Variants in SLCO1B3 observed in about 807,000 individuals in gnomAD.
The protein encoded by SLCO1B3 is solute carrier organic anion transporter family member 1B3, also known as liver-specific organic anion transporter 2.
SLCO1B3 carries 72 observed loss-of-function variants against 71.8 expected under a neutral mutation model. That is an observed-to-expected ratio of 1.00 (90% CI 0.83 to 1.22). The LOEUF is 1.22. Ranked by LOEUF, SLCO1B3 falls within the 50% of genes most tolerant of loss-of-function variation. The pLI, the probability that SLCO1B3 is intolerant of heterozygous loss-of-function variation, is 0.00. For missense variants in SLCO1B3, 911 were observed against 819.7 expected (o/e 1.11, Z -1.36); for synonymous variants, 298 against 278.4 (o/e 1.07, Z -0.70).
intron 3 of SLCO1B3, among the ~76,000 whole-genome samples, chr12:20,822,768 A>G (rs1864342599): frequency 6.6e-6 from 1 of 152,200 alleles, no homozygotes; most frequent in Non-Finnish European, 1.5e-5. Flanking sequence ...CTGTGGAAAT[A>G]TTTAACCTTT....
chr12:20,892,099 T>C (rs774116251), intron 13 of SLCO1B3, among the ~76,000 whole-genome samples: 36 of 152,128 alleles, frequency 2.4e-4, no homozygotes, highest in Non-Finnish European at 4.6e-4. Context: ...TCAAGAGTCA[T>C]TGTGGTCCTT....
chr12:20,862,097 C>T (rs966076975), intron 6 of SLCO1B3, among the ~76,000 whole-genome samples: 2 of 152,012 alleles, frequency 1.3e-5, no homozygotes, highest in Admixed American at 6.6e-5. Flanking sequence ...ATTGTATATG[C>T]ACCTTAAAAA....
At chr12:20,874,259 A>T (rs1865533612) in intron 8 of SLCO1B3, among the ~76,000 whole-genome samples, 1 of 152,184 alleles carries the variant, frequency 6.6e-6, no homozygotes, top group Admixed American at 6.5e-5. Context: ...AAGTGTTCAC[A>T]TGCCAGTTTA....
chr12:20,882,547 G>C (rs1403819012), intron 12 of SLCO1B3, among the ~76,000 whole-genome samples: 2 of 151,858 alleles, frequency 1.3e-5, no homozygotes, highest in South Asian at 2.1e-4. Flanking sequence ...GGGATTACAG[G>C]TTCTCACCAC....
At chr12:20,822,528 T>C in intron 3 of SLCO1B3, among the ~76,000 whole-genome samples, 1 of 152,144 alleles carries the variant, frequency 6.6e-6, no homozygotes, top group Non-Finnish European at 1.5e-5. Context: ...TCACTTCTTT[T>C]GTGATTCTTC....
chr12:20,866,135 T>C (rs1865369965), intron 8 of SLCO1B3, among the ~76,000 whole-genome samples: 2 of 152,122 alleles, frequency 1.3e-5, no homozygotes, highest in African/African-American at 2.4e-5. Flanking sequence ...CCGTATGAAG[T>C]ACCACTAGTG....
intron 3 of SLCO1B3, among the ~76,000 whole-genome samples, chr12:20,834,419 A>G (rs1345786921): frequency 2.7e-5 from 4 of 146,528 alleles, no homozygotes; most frequent in Admixed American, 6.9e-5. Context: ...AACCTTTGGT[A>G]GAGTAACAGG....
intron 3 of SLCO1B3, among the ~76,000 whole-genome samples, chr12:20,825,813 A>AAAG (rs1555150971): frequency 5.3e-5 from 8 of 150,902 alleles, no homozygotes; most frequent in African/African-American, 1.5e-4. Flanking sequence ...AAAAAAAAAA[A>AAAG]AAAGAAAGAA....
At position 20,818,590 on chromosome 12, in the gene SLCO1B3, T is replaced by C. The variant is rs546706764; in HGVS notation, c.84+2768T>C. 3.3e-5 allele frequency among the ~76,000 whole-genome samples: 5 copies of C among 152,230 alleles called. No individual in the cohort carries two copies. The South Asian group carries it at 1.0e-3, about 32-fold the overall frequency. The stretch of plus-strand genomic sequence containing the variant: ...TGTAGGGAAGGGGCCTGAATAATCC[T>C]TGAGGAGTAGCAGATGGAATAGCAG... On this transcript the variant is annotated intron_variant, in intron 3 of 15. Transcript: ENST00000381545.
chr12:20,817,339 G>C (rs115152549), intron 3 of SLCO1B3, among the ~76,000 whole-genome samples: 8 of 152,060 alleles, frequency 5.3e-5, no homozygotes, highest in African/African-American at 1.9e-4. Context: ...TATGGGTTGA[G>C]GTCTTTAGAT....
At chr12:20,820,763 A>G (rs111764246) in intron 3 of SLCO1B3, among the ~76,000 whole-genome samples, 11,305 of 151,320 alleles carry the variant, frequency 0.075, 1,106 homozygotes, top group African/African-American at 0.22. Context: ...GCTGTAAAGC[A>G]TCTCAGGGTT....
At chr12:20,862,664 G>T (rs765504982) in intron 7 of SLCO1B3, 92 bp from the exon 8 acceptor site, 5 of 1,434,436 alleles carry the variant, frequency 3.5e-6, no homozygotes, top group Non-Finnish European at 4.8e-6. Context: ...AATATTTGCA[G>T]AAGTGTATTG....
Position 20,875,430 on chromosome 12 carries a change from CA to C in SLCO1B3, c.924del (p.Ala309LeufsTer3), listed in dbSNP as rs1380589709. 3.1e-6 allele frequency: 5 copies of C among 1,604,386 alleles called. No individual in the cohort carries two copies. The highest frequency in any genetic ancestry group is 3.4e-6 in the Non-Finnish European group (4 of 1,177,708). ...VLKTNDDRNQ[T>X]ANLTNQGKNV... ...AAAACAAATGATGATAGAAATCAAA[CA>C]GCTAATTTGACCAACCAAGGAAAAA... On this transcript the variant is annotated frameshift_variant, in exon 9 of 16. Transcript: ENST00000381545. LOFTEE classifies it high-confidence loss of function.
chr12:20,886,276 A>C (rs531380167), intron 13 of SLCO1B3, among the ~76,000 whole-genome samples: 1 of 152,204 alleles, frequency 6.6e-6, no homozygotes, highest in African/African-American at 2.4e-5. Context: ...TCTACCAACA[A>C]TGCCATATGT....
rs763219424 is a variant in SLCO1B3 at position 20,815,742 on chromosome 12, G to C, written c.4G>C (p.Asp2His). The C allele has an allele frequency of 8.9e-6, 14 of 1,574,196 alleles. 1 individual carries two copies. In the South Asian group the frequency reaches 1.4e-4, roughly 16 times the overall value. The change falls in exon 3 of 16, where the codon GAC (aspartate) becomes CAC (histidine). Residue 2 changes from aspartate (D) to histidine (H), a missense_variant. Asp to His is a moderately conservative substitution (Grantham distance 81). Transcript: ENST00000381545. ...ACTTGGTATCTGTAGTTTAATAATG[G>C]ACCAACATCAACATTTGAATAAAAC... M[D>H]QHQHLNKTAE...
chr12:20,867,245 T>C (rs965645592), intron 8 of SLCO1B3, among the ~76,000 whole-genome samples: 3 of 151,994 alleles, frequency 2.0e-5, no homozygotes, highest in Non-Finnish European at 4.4e-5. Context: ...AGAACCCCAA[T>C]AGAGAGAACA....
chr12:20,847,959 T>G (rs6487155), intron 3 of SLCO1B3, among the ~76,000 whole-genome samples: 110,019 of 151,842 alleles, frequency 0.72, 42,425 homozygotes, highest in South Asian at 0.9. Context: ...ATCAAACCAT[T>G]AAAAGTCAAA....
intron 5 of SLCO1B3, chr12:20,858,828 G>GAATATC: frequency 4.9e-6 from 1 of 202,818 alleles, no homozygotes; most frequent in Non-Finnish European, 9.8e-6. Context: ...TATATGAAAT[G>GAATATC]AATATCTTAT....
At chr12:20,906,449 T>C (rs2120418419) in intron 15 of SLCO1B3, among the ~76,000 whole-genome samples, 1 of 152,308 alleles carries the variant, frequency 6.6e-6, no homozygotes, top group East Asian at 1.9e-4. Flanking sequence ...TTGCCAAACC[T>C]ATAGAACTTT....
Sources: gnomAD v4.1 joint callset for allele counts (sites outside exome capture counted in the v4.1 genomes callset) on GRCh38, gnomAD v4.1.1 for gene constraint, MANE v1.5 for transcripts, NCBI Gene and HGNC (gene_info 2026-07-23, HGNC 2026-07-21) for gene names.